NRXN2: variants seen among roughly 807,000 people sequenced by gnomAD.
The protein encoded by NRXN2 is neurexin 2, also known as neurexin-2-beta.
NRXN2 carries 29 observed loss-of-function variants against 128.8 expected under a neutral mutation model. That is an observed-to-expected ratio of 0.23 (90% CI 0.17 to 0.31). The LOEUF (loss-of-function observed/expected upper bound fraction) is 0.31, where lower values mean the gene tolerates loss of function less well. Among genes scored for constraint, NRXN2 ranks in the 10% least tolerant of loss-of-function variants. NRXN2 has a pLI of 1.00. For missense variants in NRXN2, 1,881 were observed against 2,452.6 expected (o/e 0.77, Z 4.92); for synonymous variants, 1,098 against 1,075.2 (o/e 1.02, Z -0.41).
rs555043878 is a variant in NRXN2 at position 64,641,358 on chromosome 11, A to G, written c.3404-5906T>C. On this transcript the variant is annotated intron_variant, in intron 17 of 22. Transcript: ENST00000265459. The stretch of plus-strand genomic sequence containing the variant: ...AAGGTGCAGAGATGGGAAGTGATGA[A>G]TAGACTAAAATGGGAGGTGAGGAGG... Among the ~76,000 whole-genome samples the G allele has an allele frequency of 4.6e-5, 7 of 152,204 alleles. No individual in the cohort carries two copies. In the South Asian group the frequency reaches 1.5e-3, roughly 32 times the overall value.
At chr11:64,680,550 T>A (rs1461848473) in intron 6 of NRXN2, among the ~76,000 whole-genome samples, 1 of 152,238 alleles carries the variant, frequency 6.6e-6, no homozygotes, top group Non-Finnish European at 1.5e-5. Context: ...TACCACTTCC[T>A]AACTGGATAA....
At chr11:64,659,105 C>T (rs2048669946) in intron 11 of NRXN2, among the ~76,000 whole-genome samples, 1 of 152,252 alleles carries the variant, frequency 6.6e-6, no homozygotes, top group African/African-American at 2.4e-5. Flanking sequence ...TGCTTCCCCT[C>T]TAGGTCCAGG....
At chr11:64,646,613 C>T (rs1333960121) in intron 17 of NRXN2, 4 of 152,136 alleles carry the variant, frequency 2.6e-5, no homozygotes, top group Non-Finnish European at 5.9e-5. Context: ...CCTGGGTTTC[C>T]GTATCAGTTA....
chr11:64,639,715 G>A (rs1217880665), intron 17 of NRXN2, among the ~76,000 whole-genome samples: 2 of 152,036 alleles, frequency 1.3e-5, no homozygotes, highest in African/African-American at 2.4e-5. Flanking sequence ...GTAAATGGGG[G>A]ATGGTGTGAA....
At chr11:64,682,055 G>A (rs1451142860) in intron 6 of NRXN2, among the ~76,000 whole-genome samples, 2 of 152,022 alleles carry the variant, frequency 1.3e-5, no homozygotes, top group East Asian at 1.9e-4. Flanking sequence ...CCATCTTTGG[G>A]GGGCTACACT....
At chr11:64,618,877 G>A (rs2041919334) in intron 22 of NRXN2, among the ~76,000 whole-genome samples, 2 of 152,140 alleles carry the variant, frequency 1.3e-5, no homozygotes, top group African/African-American at 2.4e-5. Context: ...GCCTACTTGG[G>A]GGACATGGAG....
chr11:64,634,574 G>C (rs906561766), intron 18 of NRXN2, among the ~76,000 whole-genome samples: 1 of 152,128 alleles, frequency 6.6e-6, no homozygotes, highest in Non-Finnish European at 1.5e-5. Context: ...GGCACAGGGA[G>C]GGGCTAGGGC....
chr11:64,694,973 A>AGCCT (rs2054300211), intron 3 of NRXN2, among the ~76,000 whole-genome samples: 1 of 152,120 alleles, frequency 6.6e-6, no homozygotes, highest in Non-Finnish European at 1.5e-5. Context: ...GCTCCTCGCC[A>AGCCT]GCCTCGTTAG....
chr11:64,650,462 T>A lies in NRXN2; in HGVS notation c.3095A>T (p.Asn1032Ile). 1 of 1,614,024 alleles carries A rather than the reference T, an allele frequency of 6.2e-7. No homozygotes were observed. Among genetic ancestry groups the A allele is most frequent in the South Asian group, 1.1e-5 (1 of 91,064 alleles). The change falls in exon 15 of 23, where the codon AAC becomes ATC. Residue 1032 changes from asparagine to isoleucine, a missense_variant. Asn to Ile is a moderately radical substitution (Grantham distance 149). This residue lies in a region of NRXN2 where 390 missense variants were observed against 599.6 expected (regional missense o/e 0.65). Coordinates refer to ENST00000265459, the MANE Select transcript of NRXN2 (RefSeq NM_015080.4). The part of the protein sequence containing the change: ...TVTQHSNGAR[N>I]LDLKGELYIG... ...CCCAGCCCCACCTTTGAGATCGAGG[T>A]TTCGGGCGCCATTGGAGTGCTGCGT...
chr11:64,633,425 G>A (rs1473357254), intron 18 of NRXN2, among the ~76,000 whole-genome samples: 5 of 152,136 alleles, frequency 3.3e-5, no homozygotes, highest in Non-Finnish European at 7.3e-5. Flanking sequence ...CCATAGATGG[G>A]CTAACTGAGG....
intron 2 of NRXN2, among the ~76,000 whole-genome samples, chr11:64,708,091 T>C (rs1592270647): frequency 6.9e-6 from 1 of 144,456 alleles, no homozygotes; most frequent in African/African-American, 2.6e-5. Flanking sequence ...GGAGCGAAAC[T>C]CCGTCTCAAA....
chr11:64,690,566 G>T, intron 4 of NRXN2, 90 bp from the exon 5 acceptor site: 1 of 1,167,632 alleles, frequency 8.6e-7, no homozygotes, highest in Non-Finnish European at 1.3e-6. Flanking sequence ...TCTCCAGGGT[G>T]GAGGTGCTGC....
chr11:64,694,140 A>G (rs974231540), intron 3 of NRXN2, among the ~76,000 whole-genome samples: 2 of 152,174 alleles, frequency 1.3e-5, no homozygotes, highest in Admixed American at 1.3e-4. Flanking sequence ...AGCTGGGCTG[A>G]GACCCCAGGG....
chr11:64,695,192 G>C (rs2054334503), intron 3 of NRXN2, among the ~76,000 whole-genome samples: 1 of 152,112 alleles, frequency 6.6e-6, no homozygotes, highest in East Asian at 1.9e-4. Flanking sequence ...CAGCCCCACT[G>C]GGGTATTCAC....
chr11:64,679,624 G>A (rs928414297), intron 6 of NRXN2, among the ~76,000 whole-genome samples: 12 of 151,694 alleles, frequency 7.9e-5, no homozygotes, highest in Non-Finnish European at 1.8e-4. Context: ...GTGACAGAGC[G>A]AGACTCTGTC....
intron 17 of NRXN2, among the ~76,000 whole-genome samples, chr11:64,640,255 C>G (rs2045462794): frequency 6.6e-6 from 1 of 152,202 alleles, no homozygotes; most frequent in Admixed American, 6.5e-5. Flanking sequence ...ATCCCTCTGT[C>G]CAGCTTTTGC....
intron 2 of NRXN2, among the ~76,000 whole-genome samples, chr11:64,702,971 T>TAAAAA (rs557268486): frequency 9.8e-5 from 5 of 51,100 alleles, no homozygotes; most frequent in African/African-American, 1.5e-4. Flanking sequence ...CCCAGGTCTC[T>TAAAAA]AAAAAAAAAA....
intron 3 of NRXN2, 111 bp from the exon 4 acceptor site, chr11:64,692,987 G>A: frequency 1.0e-6 from 1 of 973,808 alleles, no homozygotes; most frequent in Admixed American, 2.4e-5. Context: ...CCAGAGAGAA[G>A]GGAGAAAAAA....
At chr11:64,650,405 A>G (rs2047297477) in intron 15 of NRXN2, 43 bp downstream of exon 15, 1 of 1,606,584 alleles carries the variant, frequency 6.2e-7, no homozygotes. Flanking sequence ...GGTGAGGGGT[A>G]TCTGGGCTAG....
Sources: gnomAD v4.1 joint callset for allele counts (sites outside exome capture counted in the v4.1 genomes callset) on GRCh38, gnomAD v4.1.1 for gene constraint, gnomAD v4.1.1 regional missense constraint, MANE v1.5 for transcripts, NCBI Gene and HGNC (gene_info 2026-07-23, HGNC 2026-07-21) for gene names.